CTNND1: variants seen among roughly 807,000 people sequenced by gnomAD.
The protein encoded by CTNND1 is catenin delta-1.
CTNND1 carries 16 observed loss-of-function variants against 112.1 expected under a neutral mutation model. The ratio of observed to expected loss-of-function variants is 0.14; its 90% CI spans 0.10 to 0.22. The LOEUF is 0.22. Ranked by LOEUF, CTNND1 falls within the 10% of genes least tolerant of loss-of-function variation. The pLI is 1.00. For synonymous variants in CTNND1, 420 were observed against 446.5 expected, an observed-to-expected ratio of 0.94 and a Z score of 0.75; for missense variants, 1,008 against 1,257.0, an observed-to-expected ratio of 0.80 and a Z score of 3.00.
intron 3 of CTNND1, chr11:57,793,324 T>C (rs1005488354): frequency 2.0e-5 from 3 of 152,250 alleles, no homozygotes; most frequent in Admixed American, 6.5e-5. Context: ...GATGACATTT[T>C]GGAATGTATT....
intron 1 of CTNND1, among the ~76,000 whole-genome samples, chr11:57,771,382 T>A (rs1952565889): frequency 6.6e-6 from 1 of 152,018 alleles, no homozygotes; most frequent in Non-Finnish European, 1.5e-5. Context: ...GAATGAGTAG[T>A]ATGGAGGAAA....
chr11:57,793,820 T>C (rs1009406448), intron 3 of CTNND1, among the ~76,000 whole-genome samples, 190 bp from the exon 4 acceptor site: 3 of 152,220 alleles, frequency 2.0e-5, no homozygotes, highest in Non-Finnish European at 4.4e-5. Context: ...GTTCCAGGCC[T>C]GATTTTCAAT....
chr11:57,816,665 A>C lies in CTNND1; in HGVS notation c.*357A>C. On this transcript the variant is annotated 3_prime_UTR_variant, in exon 21 of 21. Transcript: ENST00000399050. ...TGGAGAGAATAGGAATCTTCACTAG[A>C]AGCCGTGGGAAGAATTGGAAGTTAC... is the stretch of plus-strand genomic sequence containing the variant. The C allele has an allele frequency of 2.9e-6, 1 of 340,876 alleles. No homozygotes were observed. Among genetic ancestry groups the C allele is most frequent in the Non-Finnish European group, 5.4e-6 (1 of 184,360 alleles). The allele number at this position is 340,876 out of a possible 1,614,324, so 21.1% of individuals were successfully genotyped here. A position where few individuals can be genotyped will look rare whatever the true frequency, so the allele number is the denominator to read the frequency against.
At chr11:57,806,699 C>T in intron 11 of CTNND1, 1 of 629,538 alleles carries the variant, frequency 1.6e-6, no homozygotes, top group East Asian at 2.7e-5. Context: ...ATAGCATCAA[C>T]AGTGGTCATC....
chr11:57,809,322 A>C lies in CTNND1; in HGVS notation c.2291A>C (p.Gln764Pro). 1.9e-6 allele frequency: 3 copies of C among 1,613,982 alleles called. No individual in the cohort carries two copies. The highest frequency in any genetic ancestry group is 2.5e-6 in the Non-Finnish European group (3 of 1,179,832). The change falls in exon 15 of 21, where the codon CAG (glutamine) becomes CCG (proline). Residue 764 changes from glutamine to proline, a missense_variant. Physicochemically the swap from Gln to Pro is moderately conservative, Grantham distance 76 (BLOSUM62 -1). Around this residue, in one of 5 missense-constraint regions of CTNND1, gnomAD observed 254 missense variants for 279.5 expected, o/e 0.91. Transcript: ENST00000399050. ...NLVKNLPGGQ[Q>P]NSSWNFSEDT... ...GTAAAGAATCTGCCAGGAGGACAGC[A>C]GAACTCCTCTTGGAATTTCTCTGAG...
chr11:57,768,268 A>G (rs1951614660), intron 1 of CTNND1, among the ~76,000 whole-genome samples: 1 of 151,510 alleles, frequency 6.6e-6, no homozygotes, highest in African/African-American at 2.4e-5. Flanking sequence ...GTAATATTGG[A>G]GAGTTGTGTG....
intron 16 of CTNND1, 24 bp from the exon 17 acceptor site, chr11:57,811,375 T>G (rs922859773): frequency 1.2e-5 from 19 of 1,574,808 alleles, no homozygotes; most frequent in Non-Finnish European, 1.5e-5. Flanking sequence ...TCTGTCACAT[T>G]GTCGCATTTG....
intron 16 of CTNND1, among the ~76,000 whole-genome samples, 193 bp from the exon 17 acceptor site, chr11:57,811,206 C>T (rs186345230): frequency 2.0e-5 from 3 of 152,262 alleles, no homozygotes; most frequent in Admixed American, 2.0e-4. Flanking sequence ...TTTGTAATCT[C>T]CTGTTCTGGA....
Position 57,788,963 on chromosome 11 carries a change from C to A in CTNND1, c.-213-74C>A. ...CTTTCATTCCTAATATTGCCCCTTGCTCTTCTTGTTTTTATGTATTGGGTA... is the reference window on the plus strand; with the variant it reads ...CTTTCATTCCTAATATTGCCCCTTGATCTTCTTGTTTTTATGTATTGGGTA... On this transcript the variant is annotated intron_variant, in intron 1 of 20. Coordinates refer to ENST00000399050, the MANE Select transcript of CTNND1 (RefSeq NM_001085458.2). This position sits in a 1 kb window ranked among gnomAD's most constrained non-coding sequence, Gnocchi z 4.1. 9.6e-7 allele frequency: 1 copy of A among 1,041,628 alleles called. No homozygotes were observed. The highest frequency in any genetic ancestry group is 1.4e-6 in the Non-Finnish European group (1 of 696,922). 64.5% of individuals were successfully genotyped at this position (1,041,628 alleles called of 1,614,324 possible). A position where few individuals can be genotyped will look rare whatever the true frequency, so the allele number is the denominator to read the frequency against.
chr11:57,808,381 C>T lies in CTNND1; in HGVS notation c.2092-9C>T, dbSNP rs1301837120. 1.3e-6 allele frequency: 2 copies of T among 1,598,234 alleles called. No homozygotes were observed. The highest frequency in any genetic ancestry group is 1.1e-5 in the South Asian group (1 of 90,576). On this transcript the variant is annotated splice_polypyrimidine_tract_variant and intron_variant, in intron 13 of 20. Coordinates refer to ENST00000399050, the MANE Select transcript of CTNND1 (RefSeq NM_001085458.2). ...AATTTGTTCCACCCCTTTCTATTTGCTATTCTAGTATGGTCGATACATCCG... is the reference window on the plus strand; with the variant it reads ...AATTTGTTCCACCCCTTTCTATTTGTTATTCTAGTATGGTCGATACATCCG...
intron 9 of CTNND1, 63 bp downstream of exon 9, chr11:57,804,843 G>C: frequency 8.5e-7 from 1 of 1,178,696 alleles, no homozygotes; most frequent in Non-Finnish European, 1.3e-6. Context: ...TGAAGTATCT[G>C]TAGGTCAGAG....
rs910534533 is a variant in CTNND1, at chr11:57,816,373, A to G, written c.*65A>G. On this transcript the variant is annotated 3_prime_UTR_variant, in exon 21 of 21. Coordinates refer to ENST00000399050, the MANE Select transcript of CTNND1 (RefSeq NM_001085458.2). ...TATTTTTTGGTGGTGAAATTGACTG[A>G]TGATTTTCCTTTTTCTTCGCTGGAC... 1.2e-6 allele frequency: 2 copies of G among 1,601,300 alleles called. No homozygotes were observed. Among genetic ancestry groups the G allele is most frequent in the African/African-American group, 1.3e-5 (1 of 74,562 alleles).
intron 1 of CTNND1, among the ~76,000 whole-genome samples, chr11:57,772,343 A>G (rs139936518): frequency 5.3e-5 from 8 of 152,170 alleles, no homozygotes; most frequent in Admixed American, 2.0e-4. Flanking sequence ...TTTCCTTTTG[A>G]GGACAAAATT....
In CTNND1 at chr11:57,818,745, T is replaced by C. The variant is rs2064103082; in HGVS notation, c.*2437T>C. On this transcript the variant is annotated 3_prime_UTR_variant, in exon 21 of 21. Coordinates refer to ENST00000399050, the MANE Select transcript of CTNND1 (RefSeq NM_001085458.2). The stretch of plus-strand genomic sequence containing the variant: ...ATAAAGAATTAATGACTTACTTTAA[T>C]TACTGGAATTCTTCTGCAACATTTG... 6.6e-6 allele frequency: 1 copy of C among 152,242 alleles called. No individual in the cohort carries two copies. Among genetic ancestry groups the C allele is most frequent in the South Asian group, 2.1e-4 (1 of 4,838 alleles). 9.4% of individuals were successfully genotyped at this position (152,242 alleles called of 1,614,324 possible).
chr11:57,808,887 A>G lies in CTNND1; in HGVS notation c.2242+347A>G, dbSNP rs555769436. 2.1e-4 allele frequency among the ~76,000 whole-genome samples: 32 copies of G among 152,338 alleles called. No homozygotes were observed. In the South Asian group the frequency reaches 6.4e-3, roughly 31 times the overall value. On this transcript the variant is annotated intron_variant, in intron 14 of 20. Coordinates refer to ENST00000399050, the MANE Select transcript of CTNND1 (RefSeq NM_001085458.2). ...GGAAATAACTCATGGAAGTTAAGTA[A>G]ATTGCCCAGAGTTAATGTAGCTAGT... is the stretch of plus-strand genomic sequence containing the variant.
intron 3 of CTNND1, among the ~76,000 whole-genome samples, chr11:57,792,653 C>A (rs926944543): frequency 6.6e-6 from 1 of 152,290 alleles, no homozygotes; most frequent in Non-Finnish European, 1.5e-5. Flanking sequence ...GCCTCAGCCT[C>A]CTGAGTAGCT....
Position 57,770,056 on chromosome 11 carries a change from T to A in CTNND1, c.-214+7937T>A, listed in dbSNP as rs369983642. Among the ~76,000 whole-genome samples, 31 of 152,152 alleles carry A rather than the reference T, an allele frequency of 2.0e-4. No individual in the cohort carries two copies. In the East Asian group the frequency reaches 2.9e-3, roughly 14 times the overall value. On this transcript the variant is annotated intron_variant, in intron 1 of 20. Transcript: ENST00000399050. ...AAAAGATTTTTGTGGCTGGGCGCGG[T>A]GGTGGTTCATGCCTGTAATCCCAGC...
intron 7 of CTNND1, among the ~76,000 whole-genome samples, 169 bp from the exon 8 acceptor site, chr11:57,803,452 G>A (rs1290915965): frequency 1.3e-5 from 2 of 152,170 alleles, no homozygotes; most frequent in Non-Finnish European, 2.9e-5. Context: ...GAGCTATAAT[G>A]TAGAATATGT....
intron 1 of CTNND1, among the ~76,000 whole-genome samples, chr11:57,765,748 G>A (rs542327734): frequency 1.3e-5 from 2 of 152,170 alleles, no homozygotes; most frequent in East Asian, 3.9e-4. Context: ...GATTATAGGT[G>A]TGCCCCACCA....
Sources: gnomAD v4.1 joint callset for allele counts (sites outside exome capture counted in the v4.1 genomes callset) on GRCh38, gnomAD v4.1.1 for gene constraint, gnomAD v4.1.1 regional missense constraint, Gnocchi (gnomAD v3.1) non-coding constraint, MANE v1.5 for transcripts, NCBI Gene and HGNC (gene_info 2026-07-23, HGNC 2026-07-21) for gene names.